FYB2: variants seen among roughly 807,000 people sequenced by gnomAD.
FYB2 encodes the protein FYN-binding protein 2.
In FYB2, 103 loss-of-function variants were observed where a neutral mutation model predicts 94.1. The ratio of observed to expected loss-of-function variants is 1.09; its 90% CI spans 0.93 to 1.29. The LOEUF is 1.29. FYB2 is among the 50% of genes most tolerant of loss of function. FYB2 has a pLI of 0.00. For synonymous variants in FYB2, 293 were observed against 287.9 expected (o/e 1.02, Z -0.18); for missense variants, 896 against 841.5 (o/e 1.06, Z -0.80).
intron 4 of FYB2, among the ~76,000 whole-genome samples, chr1:56,779,272 T>C (rs1570119876): frequency 1.3e-5 from 2 of 152,324 alleles, no homozygotes; most frequent in Admixed American, 1.3e-4. Flanking sequence ...AAGAGCTCAA[T>C]GATTAGTTTA....
chr1:56,727,863 T>C (rs1644616737), intron 15 of FYB2, among the ~76,000 whole-genome samples: 1 of 152,070 alleles, frequency 6.6e-6, no homozygotes, highest in South Asian at 2.1e-4. Flanking sequence ...AGAAAAAGAA[T>C]TTATCCAGAT....
At chr1:56,733,086 G>A (rs979375595) in intron 15 of FYB2, among the ~76,000 whole-genome samples, 12 of 151,924 alleles carry the variant, frequency 7.9e-5, no homozygotes, top group Non-Finnish European at 1.6e-4. Flanking sequence ...CTATTAATCT[G>A]ACAGGTGATT....
At chr1:56,780,483 G>C (rs1034355260) in intron 4 of FYB2, among the ~76,000 whole-genome samples, 2 of 152,166 alleles carry the variant, frequency 1.3e-5, no homozygotes, top group Non-Finnish European at 2.9e-5. Flanking sequence ...GCAGCCTGGG[G>C]TGATAGTTGA....
intron 1 of FYB2, 70 bp downstream of exon 1, chr1:56,819,212 C>G (rs1646956615): frequency 1.2e-6 from 2 of 1,609,836 alleles, no homozygotes; most frequent in South Asian, 1.1e-5. Context: ...CCAGGGCTCT[C>G]AAGTGGGAGG....
At chr1:56,734,169 G>C (rs1056351908) in intron 15 of FYB2, among the ~76,000 whole-genome samples, 1 of 152,054 alleles carries the variant, frequency 6.6e-6, no homozygotes, top group Non-Finnish European at 1.5e-5. Context: ...ATAATGTAAT[G>C]GCCTTCTTTG....
intron 8 of FYB2, among the ~76,000 whole-genome samples, chr1:56,752,137 G>A (rs1318611369): frequency 1.3e-5 from 2 of 151,948 alleles, no homozygotes; most frequent in African/African-American, 2.4e-5. Context: ...AAAGATAAGG[G>A]AAGACAGCCT....
chr1:56,788,539 C>A (rs115420492), intron 3 of FYB2, among the ~76,000 whole-genome samples: 2,805 of 152,124 alleles, frequency 0.018, 80 homozygotes, highest in African/African-American at 0.064. Context: ...AGTTAATTAC[C>A]AAAAGCAGAT....
intron 1 of FYB2, among the ~76,000 whole-genome samples, chr1:56,796,493 C>T (rs1467934176): frequency 6.6e-6 from 1 of 152,212 alleles, no homozygotes; most frequent in African/African-American, 2.4e-5. Context: ...GATGGACTCT[C>T]TGCTTCCATT....
chr1:56,757,971 A>G (rs1274784068), intron 6 of FYB2, among the ~76,000 whole-genome samples: 3 of 144,276 alleles, frequency 2.1e-5, no homozygotes, highest in African/African-American at 7.7e-5. Flanking sequence ...TAGGGACAGT[A>G]TTTCACCATG....
intron 5 of FYB2, among the ~76,000 whole-genome samples, chr1:56,759,898 G>C (rs857102): frequency 6.6e-6 from 1 of 151,764 alleles, no homozygotes; most frequent in Non-Finnish European, 1.5e-5. Context: ...CTGGCCAAGA[G>C]AGTGAAACAC....
In FYB2 at chr1:56,737,155, C is replaced by G; in HGVS notation, c.1733-8G>C. ...CTTCCTGAGACTTAAGTTCTAGGGTCAAGACAGAATCAAAATAGTCCATTA... is the reference window on the plus strand; with the variant it reads ...CTTCCTGAGACTTAAGTTCTAGGGTGAAGACAGAATCAAAATAGTCCATTA... On this transcript the variant is annotated splice_polypyrimidine_tract_variant and splice_region_variant and intron_variant, in intron 14 of 19. Coordinates refer to ENST00000343433, the MANE Select transcript of FYB2 (RefSeq NM_001004303.5). The G allele has an allele frequency of 6.3e-7, 1 of 1,595,230 alleles. No individual in the cohort carries two copies. The highest frequency in any genetic ancestry group is 8.6e-7 in the Non-Finnish European group (1 of 1,167,410).
In FYB2 at chr1:56,789,111, G is replaced by T. The variant is rs997746390; in HGVS notation, c.781C>A (p.His261Asn). The change falls in exon 3 of 20, where the codon CAC becomes AAC. Residue 261 changes from histidine to asparagine, a missense_variant. By Grantham distance (68) the His-to-Asn change is moderately conservative. Coordinates refer to ENST00000343433, the MANE Select transcript of FYB2 (RefSeq NM_001004303.5). ...AATGGCTTTGTTTTGGGAAGGTGGT[G>T]ATGCCTGACATCTGGCTGTTTTTCT... is the stretch of plus-strand genomic sequence containing the variant. ...APEKQPDVRH[H>N]HLPKTKPLPS... The T allele has an allele frequency of 1.2e-5, 19 of 1,598,456 alleles. No individual in the cohort carries two copies. In the Admixed American group the frequency reaches 1.7e-4, roughly 15 times the overall value.
chr1:56,781,946 A>G (rs1006243139), intron 4 of FYB2, among the ~76,000 whole-genome samples: 2 of 152,026 alleles, frequency 1.3e-5, no homozygotes, highest in African/African-American at 4.8e-5. Flanking sequence ...CTGGGTCCTT[A>G]TTCAGTTCTC....
intron 6 of FYB2, among the ~76,000 whole-genome samples, chr1:56,756,778 G>A (rs1157504807): frequency 1.3e-5 from 2 of 152,096 alleles, no homozygotes; most frequent in African/African-American, 4.8e-5. Context: ...TAACTATAAG[G>A]GTTAAGCACT....
At chr1:56,802,697 G>T (rs982603610) in intron 1 of FYB2, among the ~76,000 whole-genome samples, 2 of 152,142 alleles carry the variant, frequency 1.3e-5, no homozygotes, top group Non-Finnish European at 2.9e-5. Context: ...AAGTAATGAA[G>T]AATCTCAATT....
chr1:56,796,333 G>A (rs1027084579), intron 1 of FYB2, among the ~76,000 whole-genome samples: 9 of 152,258 alleles, frequency 5.9e-5, no homozygotes, highest in Non-Finnish European at 8.8e-5. Flanking sequence ...GGTTTGGGAG[G>A]TGGCCATAGG....
chr1:56,732,839 T>C (rs1269759734), intron 15 of FYB2, among the ~76,000 whole-genome samples: 1 of 125,486 alleles, frequency 8.0e-6, no homozygotes, highest in East Asian at 2.6e-4. Context: ...CAAACAAAAA[T>C]AGATCAAAGA....
At chr1:56,807,493 CTA>C (rs1646674584) in intron 1 of FYB2, among the ~76,000 whole-genome samples, 1 of 152,302 alleles carries the variant, frequency 6.6e-6, no homozygotes, top group Admixed American at 6.5e-5. Flanking sequence ...ATTCAGGACC[CTA>C]TTTTTCCAAT....
intron 1 of FYB2, among the ~76,000 whole-genome samples, chr1:56,804,611 T>A (rs570517081): frequency 7.9e-5 from 12 of 152,162 alleles, no homozygotes; most frequent in African/African-American, 2.9e-4. Context: ...ATGCATGTAG[T>A]CCCAGCTACT....
Sources: gnomAD v4.1 joint callset for allele counts (sites outside exome capture counted in the v4.1 genomes callset) on GRCh38, gnomAD v4.1.1 for gene constraint, MANE v1.5 for transcripts, NCBI Gene and HGNC (gene_info 2026-07-23, HGNC 2026-07-21) for gene names.